Variants in CELSR1 observed in about 807,000 individuals in gnomAD.
The protein encoded by CELSR1 is cadherin EGF LAG seven-pass G-type receptor 1.
CELSR1 carries 110 observed loss-of-function variants against 249.1 expected under a neutral mutation model. The observed-to-expected ratio is 0.44, with a 90% CI of 0.38 to 0.52. The LOEUF (loss-of-function observed/expected upper bound fraction) is 0.52, where lower values mean the gene tolerates loss of function less well. CELSR1 is among the 20% of genes least tolerant of loss of function. The probability of loss-of-function intolerance (pLI) is 0.00; values close to 1 mark genes in which losing one functional copy is unlikely to be tolerated. For synonymous variants in CELSR1, 2,113 were observed against 1,900.0 expected (o/e 1.11, Z -2.92); for missense variants, 4,109 against 4,296.4 (o/e 0.96, Z 1.22).
In CELSR1 at chr22:46,456,481, C is replaced by A. The variant is rs528155669; in HGVS notation, c.4183+7226G>T. ...GAGACCGTCATGGTTAACAAGGTGA[C>A]ACCCCGTCTCTACTAAAAAAAAATA... is the stretch of plus-strand genomic sequence containing the variant. On this transcript the variant is annotated intron_variant, in intron 2 of 34. Coordinates refer to ENST00000674500, the MANE Select transcript of CELSR1 (RefSeq NM_001378328.1). 1.9e-3 allele frequency among the ~76,000 whole-genome samples: 281 copies of A among 151,816 alleles called. 1 individual carries two copies. Among genetic ancestry groups the A allele is most frequent in the Non-Finnish European group, 3.2e-3 (218 of 67,832 alleles).
chr22:46,372,850 G>A lies in CELSR1; in HGVS notation c.7759+33C>T, dbSNP rs760065231. The A allele has an allele frequency of 7.0e-6, 11 of 1,567,706 alleles. No individual in the cohort carries two copies. The Admixed American group carries it at 1.8e-4, about 25-fold the overall frequency. ...CAGCTGGGGTCTGTTGGAAATCTGT[G>A]GTTTTATGCAGGGCCACTCTGTGCA... is the stretch of plus-strand genomic sequence containing the variant. On this transcript the variant is annotated intron_variant, in intron 25 of 34. Transcript: ENST00000674500.
Position 46,362,739 on chromosome 22 carries a change from GA to G in CELSR1, c.*483del. On this transcript the variant is annotated 3_prime_UTR_variant, in exon 35 of 35. Coordinates refer to ENST00000674500, the MANE Select transcript of CELSR1 (RefSeq NM_001378328.1). Reference sequence around the variant, plus strand: ...CTCCACCTTTCCCACATAGCGAAGTGATTTTAAGACAAGGGGTGCCTTTGCA... The same window carrying G: ...CTCCACCTTTCCCACATAGCGAAGTGTTTTAAGACAAGGGGTGCCTTTGCA... 5.4e-6 allele frequency: 1 copy of G among 184,132 alleles called. No individual in the cohort carries two copies. The highest frequency in any genetic ancestry group is 1.6e-4 in the South Asian group (1 of 6,372). 11.4% of individuals were successfully genotyped at this position (184,132 alleles called of 1,614,324 possible). A position where few individuals can be genotyped will look rare whatever the true frequency, so the allele number is the denominator to read the frequency against.
At chr22:46,455,915 C>T (rs1016670200) in intron 2 of CELSR1, among the ~76,000 whole-genome samples, 7 of 152,220 alleles carry the variant, frequency 4.6e-5, no homozygotes, top group Non-Finnish European at 7.3e-5. Flanking sequence ...TTTACAGCTA[C>T]GTACCAGGGA....
chr22:46,531,184 CTTTT>C (rs1228782966), intron 1 of CELSR1, among the ~76,000 whole-genome samples: 3 of 118,416 alleles, frequency 2.5e-5, no homozygotes, highest in Non-Finnish European at 5.5e-5. Context: ...TCTGCGCATC[CTTTT>C]ATTTATTTAT....
chr22:46,454,167 A>C lies in CELSR1; in HGVS notation c.4183+9540T>G, dbSNP rs1206554250. 6.6e-6 allele frequency among the ~76,000 whole-genome samples: 1 copy of C among 152,044 alleles called. No individual in the cohort carries two copies. Among genetic ancestry groups the C allele is most frequent in the Non-Finnish European group, 1.5e-5 (1 of 67,982 alleles). On this transcript the variant is annotated intron_variant, in intron 2 of 34. Transcript: ENST00000674500. This position sits in a 1 kb window ranked among gnomAD's most constrained non-coding sequence, Gnocchi z 5.1. Reference sequence around the variant, plus strand: ...TGAGGTGAGGAAGGTGCCAGGGACTAAGGACCAGGTGGCCTCCAGCAGCTG... The same window carrying C: ...TGAGGTGAGGAAGGTGCCAGGGACTCAGGACCAGGTGGCCTCCAGCAGCTG...
At position 46,537,123 on chromosome 22, in the gene CELSR1, G is replaced by T; in HGVS notation, c.48C>A (p.Ala16=). ...CCATCGCCGGCAGGGCGGCGGCGGC[G>T]GCCAGGAGCAGCAGCACGGGCAGCA... ...PPVLPVLLLL[A]AAAALPAMGL... The change falls in exon 1 of 35, where the codon GCC becomes GCA. Residue 16 remains alanine (A), a synonymous_variant. Transcript: ENST00000674500. The surrounding 1 kb of genome is among the most constrained non-coding windows in gnomAD (Gnocchi z 5.8). 1 of 1,036,260 alleles carries T rather than the reference G, an allele frequency of 9.7e-7. No individual in the cohort carries two copies. The allele number at this position is 1,036,260 out of a possible 1,614,324, so 64.2% of individuals were successfully genotyped here.
intron 25 of CELSR1, among the ~76,000 whole-genome samples, chr22:46,372,082 CTCCA>C (rs1480136102): frequency 1.3e-5 from 2 of 151,294 alleles, no homozygotes; most frequent in African/African-American, 4.9e-5. Flanking sequence ...AATCCCATCC[CTCCA>C]TCCACCTACC....
chr22:46,439,441 G>C (rs9616008), intron 2 of CELSR1, 30 bp from the exon 3 acceptor site: 1 of 1,574,862 alleles, frequency 6.3e-7, no homozygotes, highest in South Asian at 1.1e-5. Flanking sequence ...TGCCAGAGAG[G>C]AGGTTACCGA....
At chr22:46,522,747 A>C (rs1333513774) in intron 1 of CELSR1, among the ~76,000 whole-genome samples, 1 of 152,232 alleles carries the variant, frequency 6.6e-6, no homozygotes, top group Non-Finnish European at 1.5e-5. Context: ...CAGAAGGGTG[A>C]GAGGCAGCAG....
chr22:46,473,439 A>G lies in CELSR1; in HGVS notation c.3545-9094T>C, dbSNP rs2080176331. On this transcript the variant is annotated intron_variant, in intron 1 of 34. Transcript: ENST00000674500. The surrounding 1 kb of genome is among the most constrained non-coding windows in gnomAD (Gnocchi z 6.6). ...GGGGCCTTGGAGATGACCCAGTGAGATGGAGCCACAGGCAGCTGGAGACGC... is the reference window on the plus strand; with the variant it reads ...GGGGCCTTGGAGATGACCCAGTGAGGTGGAGCCACAGGCAGCTGGAGACGC... 6.6e-6 allele frequency among the ~76,000 whole-genome samples: 1 copy of G among 152,216 alleles called. No homozygotes were observed. The highest frequency in any genetic ancestry group is 1.9e-4 in the East Asian group (1 of 5,168).
In CELSR1 at chr22:46,409,001, G is replaced by A; in HGVS notation, c.5221C>T (p.Leu1741Phe). ...ATSGGPTSFR[L>F]QILNNYLQFE... ...TGGCACGGGGCCCCAGTCACCTGGA[G>A]GCGAAAGCTGGTGGGCCCACCACTG... The change falls in exon 9 of 35, where the codon CTC becomes TTC. Residue 1741 changes from leucine (L) to phenylalanine (F), a missense_variant. Around this residue, in one of 7 missense-constraint regions of CELSR1, gnomAD observed 1,805 missense variants for 1,831.6 expected, o/e 0.99. Coordinates refer to ENST00000674500, the MANE Select transcript of CELSR1 (RefSeq NM_001378328.1). The surrounding 1 kb of genome is among the most constrained non-coding windows in gnomAD (Gnocchi z 9.8). 6.2e-7 allele frequency: 1 copy of A among 1,606,228 alleles called. No individual in the cohort carries two copies. The highest frequency in any genetic ancestry group is 8.5e-7 in the Non-Finnish European group (1 of 1,177,116).
In CELSR1 at chr22:46,454,447, C is replaced by T. The variant is rs1462383588; in HGVS notation, c.4183+9260G>A. On this transcript the variant is annotated intron_variant, in intron 2 of 34. Coordinates refer to ENST00000674500, the MANE Select transcript of CELSR1 (RefSeq NM_001378328.1). The surrounding 1 kb of genome is among the most constrained non-coding windows in gnomAD (Gnocchi z 5.1). ...CCAGTGCACGCACAGACGCCCATGA[C>T]CCGCAGCCAGCCCGGCCAGGCAGCC... Among the ~76,000 whole-genome samples, 1 of 152,238 alleles carries T rather than the reference C, an allele frequency of 6.6e-6. No individual in the cohort carries two copies. Among genetic ancestry groups the T allele is most frequent in the Non-Finnish European group, 1.5e-5 (1 of 68,040 alleles).
Position 46,473,932 on chromosome 22 carries a change from C to A in CELSR1, c.3545-9587G>T, listed in dbSNP as rs985561602. ...TTTCTGGGCAACAATCTAGGACCTG[C>A]GTCTCACGAATGCAGGTTCACGTCA... On this transcript the variant is annotated intron_variant, in intron 1 of 34. Transcript: ENST00000674500. The surrounding 1 kb of genome is among the most constrained non-coding windows in gnomAD (Gnocchi z 6.6). Among the ~76,000 whole-genome samples, 3 of 152,140 alleles carry A rather than the reference C, an allele frequency of 2.0e-5. No homozygotes were observed. The highest frequency in any genetic ancestry group is 4.1e-4 in the South Asian group (2 of 4,834).
In CELSR1 at chr22:46,395,268, C is replaced by A. The variant is rs1049026552; in HGVS notation, c.5844-1006G>T. ...TGGATCAGCCTCTTGGCAACTCCCC[C>A]TGCTCCAAGCTGTGCTCCATGCGGC... On this transcript the variant is annotated intron_variant, in intron 13 of 34. Coordinates refer to ENST00000674500, the MANE Select transcript of CELSR1 (RefSeq NM_001378328.1). This position sits in a 1 kb window ranked among gnomAD's most constrained non-coding sequence, Gnocchi z 5.5. Among the ~76,000 whole-genome samples, 1 of 152,196 alleles carries A rather than the reference C, an allele frequency of 6.6e-6. No homozygotes were observed. Among genetic ancestry groups the A allele is most frequent in the Admixed American group, 6.5e-5 (1 of 15,282 alleles).
Position 46,377,041 on chromosome 22 carries a change from G to A in CELSR1, c.7584+20C>T, listed in dbSNP as rs2078925999. The A allele has an allele frequency of 1.2e-6, 2 of 1,610,440 alleles. No homozygotes were observed. The highest frequency in any genetic ancestry group is 1.3e-5 in the African/African-American group (1 of 74,914). On this transcript the variant is annotated intron_variant, in intron 24 of 34. Coordinates refer to ENST00000674500, the MANE Select transcript of CELSR1 (RefSeq NM_001378328.1). ...CAAGCTGCGGCCCAGACAGTGGGGA[G>A]GGGAGCAGAGTGGCCATACCGGGTT...
chr22:46,377,219 C>A lies in CELSR1; in HGVS notation c.7426G>T (p.Val2476Leu), dbSNP rs2078928653. ...LPLKIVTYAA[V>L]SLSLAALLVA... ...AGCAGGGCTGCCAGTGACAAGGACA[C>A]AGCGGCATAGGTGACAATCTTCAGA... The change falls in exon 24 of 35, where the codon GTG becomes TTG. Residue 2476 changes from valine to leucine, a missense_variant. Coordinates refer to ENST00000674500, the MANE Select transcript of CELSR1 (RefSeq NM_001378328.1). The A allele has an allele frequency of 1.9e-6, 3 of 1,614,022 alleles. No homozygotes were observed. Among genetic ancestry groups the A allele is most frequent in the Non-Finnish European group, 2.5e-6 (3 of 1,180,034 alleles).
rs1232522021 is a variant in CELSR1, at chr22:46,366,450, C to T, written c.8236G>A (p.Asp2746Asn). ...RSLNCNTTFG[D>N]GPDMLRTDLG... The stretch of plus-strand genomic sequence containing the variant: ...TCTGTGCGCAGCATGTCAGGCCCGT[C>T]ACCGAAGGTGGTGTTGCAGTTGAGG... The change falls in exon 30 of 35, where the codon GAC (aspartate) becomes AAC (asparagine). Residue 2746 changes from aspartate to asparagine, a missense_variant. Transcript: ENST00000674500. 6 of 1,550,218 alleles carry T rather than the reference C, an allele frequency of 3.9e-6. No homozygotes were observed. In the South Asian group the frequency reaches 5.9e-5, roughly 15 times the overall value.
Position 46,389,460 on chromosome 22 carries a change from C to A in CELSR1, c.6385G>T (p.Ala2129Ser). The change falls in exon 18 of 35, where the codon GCC becomes TCC. Residue 2129 changes from alanine to serine, a missense_variant. Around this residue, in one of 7 missense-constraint regions of CELSR1, gnomAD observed 1,805 missense variants for 1,831.6 expected, o/e 0.99. Coordinates refer to ENST00000674500, the MANE Select transcript of CELSR1 (RefSeq NM_001378328.1). ...LSRNETQVDG[A>S]RALQLVRALR... ...GCCCTCACCAGCTGCAGGGCCCTGG[C>A]GCCGTCCACCTGCGTCTCATTGCGG... The A allele has an allele frequency of 6.2e-7, 1 of 1,613,252 alleles. No homozygotes were observed. Among genetic ancestry groups the A allele is most frequent in the Non-Finnish European group, 8.5e-7 (1 of 1,180,018 alleles).
rs1411112643 is a variant in CELSR1, at chr22:46,381,446, G to A, written c.7088+400C>T. Among the ~76,000 whole-genome samples, 1 of 152,158 alleles carries A rather than the reference G, an allele frequency of 6.6e-6. No homozygotes were observed. The highest frequency in any genetic ancestry group is 2.4e-5 in the African/African-American group (1 of 41,426). The stretch of plus-strand genomic sequence containing the variant: ...GAGCAGGTTGCAAAGCTGCTTCTGG[G>A]ACATTCATCCTTTCCAGCCAGGACT... On this transcript the variant is annotated intron_variant, in intron 21 of 34. Transcript: ENST00000674500. The surrounding 1 kb of genome is among the most constrained non-coding windows in gnomAD (Gnocchi z 6.0).
Sources: gnomAD v4.1 joint callset for allele counts (sites outside exome capture counted in the v4.1 genomes callset) on GRCh38, gnomAD v4.1.1 for gene constraint, gnomAD v4.1.1 regional missense constraint, Gnocchi (gnomAD v3.1) non-coding constraint, MANE v1.5 for transcripts, NCBI Gene and HGNC (gene_info 2026-07-23, HGNC 2026-07-21) for gene names.